AKAP8L: variants seen among roughly 807,000 people sequenced by gnomAD.
AKAP8L encodes the protein A-kinase anchor protein 8-like.
Under a neutral mutation model 77.5 loss-of-function variants are expected in AKAP8L, and 34 were observed. That is an observed-to-expected ratio of 0.44 (90% CI 0.33 to 0.58). The LOEUF (loss-of-function observed/expected upper bound fraction) is 0.58, where lower values mean the gene tolerates loss of function less well. Ranked by LOEUF, AKAP8L falls within the 20% of genes least tolerant of loss-of-function variation. The pLI, the probability that AKAP8L is intolerant of heterozygous loss-of-function variation, is 0.02. For missense variants in AKAP8L, 806 were observed against 887.6 expected, an observed-to-expected ratio of 0.91 and a Z score of 1.17; for synonymous variants, 342 against 340.7, an observed-to-expected ratio of 1.00 and a Z score of -0.04.
intron 2 of AKAP8L, 98 bp from the exon 3 acceptor site, chr19:15,404,140 G>C: frequency 7.7e-7 from 1 of 1,302,232 alleles, no homozygotes. Context: ...ACTGGTCAGA[G>C]CAGGCTGCAC....
At chr19:15,394,935 G>A (rs930654013) in intron 12 of AKAP8L, among the ~76,000 whole-genome samples, 2 of 149,444 alleles carry the variant, frequency 1.3e-5, no homozygotes, top group African/African-American at 2.5e-5. Flanking sequence ...ACCTCTCTAC[G>A]GTTACCAGCT....
At chr19:15,382,401 C>T (rs542785904) in intron 12 of AKAP8L, among the ~76,000 whole-genome samples, 1 of 152,078 alleles carries the variant, frequency 6.6e-6, no homozygotes, top group African/African-American at 2.4e-5. Flanking sequence ...CAGGGTTTTC[C>T]TATGTTGCCC....
chr19:15,390,288 A>C lies in AKAP8L; in HGVS notation c.1536+6862T>G, dbSNP rs565620042. Among the ~76,000 whole-genome samples, 5 of 151,982 alleles carry C rather than the reference A, an allele frequency of 3.3e-5. No homozygotes were observed. In the East Asian group the frequency reaches 5.8e-4, roughly 18 times the overall value. ...CAAAACTAGCCGGGCATGATGTCAC[A>C]CATGCCTTTAGTCCCTGCTATTTGG... is the stretch of plus-strand genomic sequence containing the variant. On this transcript the variant is annotated intron_variant, in intron 12 of 13. Coordinates refer to ENST00000397410, the MANE Select transcript of AKAP8L (RefSeq NM_014371.4).
Position 15,399,066 on chromosome 19 carries a change from C to A in AKAP8L, c.1157+236G>T. The A allele has an allele frequency of 3.6e-6, 2 of 550,834 alleles. No individual in the cohort carries two copies. The highest frequency in any genetic ancestry group is 3.2e-6 in the Non-Finnish European group (1 of 307,990). The allele number at this position is 550,834 out of a possible 1,614,324, so 34.1% of individuals were successfully genotyped here. A position where few individuals can be genotyped will look rare whatever the true frequency, so the allele number is the denominator to read the frequency against. On this transcript the variant is annotated intron_variant, in intron 9 of 13. Transcript: ENST00000397410. This position sits in a 1 kb window ranked among gnomAD's most constrained non-coding sequence, Gnocchi z 6.1. ...AGAGCTTCTGAGCAACGGTGCCGAG[C>A]GGTGTCAGGTCTCGGCCCACAGACG...
Position 15,380,550 on chromosome 19 carries a change from C to G in AKAP8L, c.1599G>C (p.Lys533Asn). The G allele has an allele frequency of 6.2e-7, 1 of 1,613,934 alleles. No individual in the cohort carries two copies. Among genetic ancestry groups the G allele is most frequent in the Non-Finnish European group, 8.5e-7 (1 of 1,179,876 alleles). Residue 533 changes from lysine to asparagine, a missense_variant, in exon 13 of 14, where the codon AAG becomes AAC. Lys to Asn is a moderately conservative substitution (Grantham distance 94). This residue lies in a region of AKAP8L where 226 missense variants were observed against 193.5 expected (regional missense o/e 1.17). Coordinates refer to ENST00000397410, the MANE Select transcript of AKAP8L (RefSeq NM_014371.4). ...AGCGCTCCAGCTTCTTGCTGATGAG[C>G]TTGTTGTTGAGAATACTGCGGGCCA... ...LMVARSILNN[K>N]LISKKLERYL...
At chr19:15,416,358 C>T (rs906607604) in intron 1 of AKAP8L, among the ~76,000 whole-genome samples, 2 of 152,156 alleles carry the variant, frequency 1.3e-5, no homozygotes, top group Non-Finnish European at 2.9e-5. Context: ...CTGAGTGTGA[C>T]TTCTGGGATT....
rs1013617164 is a variant in AKAP8L, at chr19:15,401,834, T to C, written c.363-231A>G. 6.6e-6 allele frequency among the ~76,000 whole-genome samples: 1 copy of C among 152,214 alleles called. No homozygotes were observed. Among genetic ancestry groups the C allele is most frequent in the Non-Finnish European group, 1.5e-5 (1 of 68,018 alleles). ...CTGGCTTGGGGACCCTAAGAAGGAC[T>C]GAAGGACTGATAACTGGGGTGGAGG... is the stretch of plus-strand genomic sequence containing the variant. On this transcript the variant is annotated intron_variant, in intron 4 of 13. Transcript: ENST00000397410. The surrounding 1 kb of genome is among the most constrained non-coding windows in gnomAD (Gnocchi z 6.2).
intron 12 of AKAP8L, among the ~76,000 whole-genome samples, chr19:15,396,900 G>T (rs111845879): frequency 2.0e-5 from 3 of 152,132 alleles, no homozygotes; most frequent in African/African-American, 7.2e-5. Context: ...CTAATCTGGC[G>T]CTGGCCCCTA....
chr19:15,413,194 C>T (rs1158205213), intron 1 of AKAP8L, among the ~76,000 whole-genome samples: 1 of 152,196 alleles, frequency 6.6e-6, no homozygotes, highest in Non-Finnish European at 1.5e-5. Context: ...TCTGCAATTC[C>T]CCCAGGTCCA....
At chr19:15,416,559 A>G (rs941439155) in intron 1 of AKAP8L, among the ~76,000 whole-genome samples, 1 of 152,150 alleles carries the variant, frequency 6.6e-6, no homozygotes, top group Non-Finnish European at 1.5e-5. Flanking sequence ...CTTTCAGATG[A>G]CTCTAGTCCA....
chr19:15,403,185 C>T lies in AKAP8L; in HGVS notation c.362+290G>A. 1 of 455,114 alleles carries T rather than the reference C, an allele frequency of 2.2e-6. No individual in the cohort carries two copies. The highest frequency in any genetic ancestry group is 2.1e-5 in the South Asian group (1 of 46,770). The allele number at this position is 455,114 out of a possible 1,614,324, so 28.2% of individuals were successfully genotyped here. ...TGGCTGTCCTTGGAGGGAGGGGTGG[C>T]TGAACACTCTGTTTTTGAGGGCACA... On this transcript the variant is annotated intron_variant, in intron 4 of 13. Transcript: ENST00000397410. The surrounding 1 kb of genome is among the most constrained non-coding windows in gnomAD (Gnocchi z 4.3).
chr19:15,397,365 T>G lies in AKAP8L; in HGVS notation c.1406-85A>C. 6.5e-7 allele frequency: 1 copy of G among 1,543,588 alleles called. No homozygotes were observed. ...TCGAGAAAAAAACCACACCAGCTCCTCCTCAACTCGCCCTGCCACTTCCAC... is the reference window on the plus strand; with the variant it reads ...TCGAGAAAAAAACCACACCAGCTCCGCCTCAACTCGCCCTGCCACTTCCAC... On this transcript the variant is annotated intron_variant, in intron 11 of 13. Transcript: ENST00000397410. This position sits in a 1 kb window ranked among gnomAD's most constrained non-coding sequence, Gnocchi z 4.7.
At position 15,401,394 on chromosome 19, in the gene AKAP8L, C is replaced by T. The variant is rs764533378; in HGVS notation, c.572G>A (p.Arg191Gln). The T allele has an allele frequency of 1.5e-5, 25 of 1,613,066 alleles. No individual in the cohort carries two copies. The highest frequency in any genetic ancestry group is 2.0e-5 in the Non-Finnish European group (24 of 1,179,808). The change falls in exon 5 of 14, where the codon CGG (arginine) becomes CAG (glutamine). Residue 191 changes from arginine (R) to glutamine (Q), a missense_variant. This residue lies in a region of AKAP8L where 580 missense variants were observed against 694.1 expected (regional missense o/e 0.84). Coordinates refer to ENST00000397410, the MANE Select transcript of AKAP8L (RefSeq NM_014371.4). The surrounding 1 kb of genome is among the most constrained non-coding windows in gnomAD (Gnocchi z 6.2). ...GCGCCCATAGCCTGAGGCCATTGGC[C>T]GGCCGCTCCGGGCATCCCGGGCCCA... ...QGWARDARSG[R>Q]PMASGYGRMW...
chr19:15,385,511 C>G (rs1178439549), intron 12 of AKAP8L, among the ~76,000 whole-genome samples: 1 of 152,154 alleles, frequency 6.6e-6, no homozygotes, highest in Non-Finnish European at 1.5e-5. Context: ...GGAACCATCC[C>G]TCCATTCCAG....
intron 12 of AKAP8L, among the ~76,000 whole-genome samples, chr19:15,385,918 CT>C (rs1220218326): frequency 2.0e-3 from 197 of 99,590 alleles, no homozygotes; most frequent in Middle Eastern, 5.3e-3. Context: ...TCTTTTTTTT[CT>C]TTTTTTTTTT....
At chr19:15,389,836 A>T (rs956300582) in intron 12 of AKAP8L, among the ~76,000 whole-genome samples, 2 of 152,172 alleles carry the variant, frequency 1.3e-5, no homozygotes, top group Admixed American at 1.3e-4. Context: ...CAAAGACATA[A>T]TGAAGGTGCC....
intron 12 of AKAP8L, among the ~76,000 whole-genome samples, chr19:15,389,463 C>A (rs1393548019): frequency 6.6e-6 from 1 of 152,028 alleles, no homozygotes; most frequent in Non-Finnish European, 1.5e-5. Flanking sequence ...GTTGATGAAA[C>A]CTGTAATCTA....
At chr19:15,390,741 T>A (rs753473393) in intron 12 of AKAP8L, among the ~76,000 whole-genome samples, 1 of 152,084 alleles carries the variant, frequency 6.6e-6, no homozygotes, top group Non-Finnish European at 1.5e-5. Flanking sequence ...GCAGGATATA[T>A]CCCAGGGACA....
Position 15,403,601 on chromosome 19 carries a change from T to C in AKAP8L, c.236A>G (p.Asn79Ser). The C allele has an allele frequency of 6.2e-7, 1 of 1,613,872 alleles. No homozygotes were observed. The highest frequency in any genetic ancestry group is 2.2e-5 in the East Asian group (1 of 44,882). ...WEMPSSDTNA[N>S]TSASGSASAD... ...ACTGGCGCTACCCGAGGCACTAGTG[T>C]TTGCATTTGTGTCAGAGCTAGGCAT... is the stretch of plus-strand genomic sequence containing the variant. The change falls in exon 4 of 14, where the codon AAC becomes AGC. Residue 79 changes from asparagine (N) to serine (S), a missense_variant. By Grantham distance (46) the Asn-to-Ser change is conservative (BLOSUM62 1). Around this residue, in one of 2 missense-constraint regions of AKAP8L, gnomAD observed 580 missense variants for 694.1 expected, o/e 0.84. Coordinates refer to ENST00000397410, the MANE Select transcript of AKAP8L (RefSeq NM_014371.4). This position sits in a 1 kb window ranked among gnomAD's most constrained non-coding sequence, Gnocchi z 4.3.
Sources: allele counts gnomAD v4.1 joint callset (sites outside exome capture counted in the v4.1 genomes callset), GRCh38; gene constraint gnomAD v4.1.1; regional missense constraint gnomAD v4.1.1; non-coding constraint Gnocchi (gnomAD v3.1); transcripts MANE v1.5; gene names NCBI Gene and HGNC (gene_info 2026-07-23, HGNC 2026-07-21).